The following EPHB1 variants were observed in gnomAD, a reference collection of about 807,000 sequenced individuals.
EPHB1 encodes ephrin type-B receptor 1.
EPHB1 carries 30 observed loss-of-function variants against 94.4 expected under a neutral mutation model. The observed-to-expected ratio is 0.32, with a 90% CI of 0.24 to 0.43. The LOEUF (loss-of-function observed/expected upper bound fraction) is 0.43, where lower values mean the gene tolerates loss of function less well. EPHB1 is among the 20% of genes least tolerant of loss of function. EPHB1 has a pLI of 1.00. For missense variants in EPHB1, 1,055 were observed against 1,308.3 expected (o/e 0.81, Z 2.99); for synonymous variants, 522 against 489.1 (o/e 1.07, Z -0.89).
At chr3:134,993,767 G>T (rs900981070) in intron 3 of EPHB1, among the ~76,000 whole-genome samples, 1 of 152,174 alleles carries the variant, frequency 6.6e-6, no homozygotes, top group Admixed American at 6.5e-5. Flanking sequence ...AGTCTCCTTG[G>T]CATGGCAATC....
chr3:134,960,378 A>G (rs1933468674), intron 3 of EPHB1, among the ~76,000 whole-genome samples: 1 of 152,194 alleles, frequency 6.6e-6, no homozygotes, highest in Non-Finnish European at 1.5e-5. Context: ...ACAGGCTGTA[A>G]ATGTTCAGGC....
At chr3:135,089,874 C>T (rs940676036) in intron 3 of EPHB1, among the ~76,000 whole-genome samples, 3 of 152,206 alleles carry the variant, frequency 2.0e-5, no homozygotes, top group East Asian at 1.9e-4. Context: ...TTCTTCCTGA[C>T]GTGCTGAGCC....
At chr3:134,863,088 C>T (rs1389145155) in intron 1 of EPHB1, among the ~76,000 whole-genome samples, 1 of 152,232 alleles carries the variant, frequency 6.6e-6, no homozygotes, top group African/African-American at 2.4e-5. Context: ...TCCTACCTGT[C>T]TTCTCTCATC....
intron 9 of EPHB1, among the ~76,000 whole-genome samples, chr3:135,171,318 G>A (rs1342473570): frequency 2.0e-5 from 3 of 152,228 alleles, no homozygotes; most frequent in East Asian, 1.9e-4. Context: ...TACTGAGCTT[G>A]TCTTCCTACC....
At chr3:134,954,769 C>G (rs1933181569) in intron 3 of EPHB1, among the ~76,000 whole-genome samples, 1 of 152,204 alleles carries the variant, frequency 6.6e-6, no homozygotes. Context: ...TCATTATGGC[C>G]AGGGAACTGT....
intron 11 of EPHB1, among the ~76,000 whole-genome samples, chr3:135,197,656 C>T (rs74358368): frequency 1.7e-3 from 253 of 152,258 alleles, no homozygotes; most frequent in African/African-American, 5.5e-3. Context: ...CAAGTGGCTT[C>T]GGTGCATTTG....
intron 11 of EPHB1, 74 bp downstream of exon 11, chr3:135,192,897 G>A (rs1052970813): frequency 3.2e-6 from 5 of 1,561,118 alleles, no homozygotes; most frequent in African/African-American, 2.7e-5. Context: ...GGTTCCATGA[G>A]CACAACCTAC....
chr3:134,897,423 C>A (rs2038109086), intron 1 of EPHB1, among the ~76,000 whole-genome samples: 1 of 152,180 alleles, frequency 6.6e-6, no homozygotes, highest in African/African-American at 2.4e-5. Context: ...TCAGTGCAGG[C>A]CAGCAAAGCA....
intron 2 of EPHB1, among the ~76,000 whole-genome samples, chr3:134,948,032 C>T (rs552259486): frequency 1.7e-4 from 26 of 152,090 alleles, no homozygotes; most frequent in Non-Finnish European, 3.4e-4. Context: ...GGGCTCAAGC[C>T]ATCCTCCCAC....
intron 1 of EPHB1, among the ~76,000 whole-genome samples, chr3:134,893,344 G>A (rs1267684220): frequency 1.3e-5 from 2 of 152,190 alleles, no homozygotes; most frequent in South Asian, 2.1e-4. Flanking sequence ...GAACACTTCA[G>A]TGGTTTCCTT....
intron 3 of EPHB1, among the ~76,000 whole-genome samples, chr3:135,105,756 T>C (rs1366468225): frequency 1.3e-5 from 2 of 152,198 alleles, no homozygotes; most frequent in Admixed American, 6.5e-5. Flanking sequence ...GTGTGACACG[T>C]TCCCTGGTGT....
intron 1 of EPHB1, among the ~76,000 whole-genome samples, chr3:134,863,039 C>T (rs1171530057): frequency 1.3e-5 from 2 of 152,226 alleles, no homozygotes; most frequent in Admixed American, 1.3e-4. Flanking sequence ...TCCTGCGTTC[C>T]CTTGACCTGG....
At chr3:135,070,349 G>C (rs1937662970) in intron 3 of EPHB1, among the ~76,000 whole-genome samples, 1 of 152,192 alleles carries the variant, frequency 6.6e-6, no homozygotes, top group Non-Finnish European at 1.5e-5. Flanking sequence ...CTGTTGGGCA[G>C]CAATGAAACT....
At chr3:134,886,118 G>A (rs1250649964) in intron 1 of EPHB1, among the ~76,000 whole-genome samples, 2 of 152,166 alleles carry the variant, frequency 1.3e-5, no homozygotes, top group Non-Finnish European at 2.9e-5. Flanking sequence ...TAAAGAGGCA[G>A]GCTCTGCCCC....
intron 3 of EPHB1, among the ~76,000 whole-genome samples, chr3:135,073,962 C>T (rs1937817592): frequency 6.6e-6 from 1 of 152,158 alleles, no homozygotes; most frequent in Non-Finnish European, 1.5e-5. Flanking sequence ...AAGAATACTT[C>T]AACTTCATAT....
chr3:135,112,636 G>A (rs1429801436), intron 4 of EPHB1, among the ~76,000 whole-genome samples: 1 of 148,092 alleles, frequency 6.8e-6, no homozygotes, highest in Admixed American at 6.9e-5. Flanking sequence ...GAGGACATGC[G>A]GTGTTTGGTT....
At chr3:134,865,312 T>C (rs2037350973) in intron 1 of EPHB1, among the ~76,000 whole-genome samples, 1 of 152,200 alleles carries the variant, frequency 6.6e-6, no homozygotes, top group African/African-American at 2.4e-5. Flanking sequence ...AGCCACAACC[T>C]GCATATTGAA....
intron 12 of EPHB1, among the ~76,000 whole-genome samples, chr3:135,226,783 T>C (rs1943414023): frequency 6.6e-6 from 1 of 152,176 alleles, no homozygotes; most frequent in Non-Finnish European, 1.5e-5. Context: ...TTTTAAATGT[T>C]ATTATGGCTT....
chr3:134,904,296 T>A (rs569236198), intron 1 of EPHB1, among the ~76,000 whole-genome samples: 1 of 152,380 alleles, frequency 6.6e-6, no homozygotes, highest in Non-Finnish European at 1.5e-5. Context: ...ATTTTGTGCA[T>A]GAATGAGTAC....
Sources: gnomAD v4.1 joint callset for allele counts (sites outside exome capture counted in the v4.1 genomes callset) on GRCh38, gnomAD v4.1.1 for gene constraint, MANE v1.5 for transcripts, NCBI Gene and HGNC (gene_info 2026-07-23, HGNC 2026-07-21) for gene names.